Variants in MAST2 observed in about 807,000 individuals in gnomAD.
MAST2 encodes the protein microtubule-associated serine/threonine-protein kinase 2.
MAST2 carries 70 observed loss-of-function variants against 147.4 expected under a neutral mutation model. That is an observed-to-expected ratio of 0.47 (90% CI 0.39 to 0.58). MAST2 has a LOEUF of 0.58. Among genes scored for constraint, MAST2 ranks in the 20% least tolerant of loss-of-function variants. The probability of loss-of-function intolerance (pLI) is 0.00; values close to 1 mark genes in which losing one functional copy is unlikely to be tolerated. For missense variants in MAST2, 2,080 were observed against 2,302.3 expected, an observed-to-expected ratio of 0.90 and a Z score of 1.98; for synonymous variants, 869 against 896.8, an observed-to-expected ratio of 0.97 and a Z score of 0.55.
At chr1:45,970,138 G>A (rs766797011) in intron 5 of MAST2, among the ~76,000 whole-genome samples, 12 of 152,200 alleles carry the variant, frequency 7.9e-5, no homozygotes, top group Admixed American at 1.3e-4. Flanking sequence ...TATCAAAACA[G>A]TTCCTTTTCC....
chr1:45,916,171 A>T (rs1238899506), intron 4 of MAST2, among the ~76,000 whole-genome samples: 1 of 152,196 alleles, frequency 6.6e-6, no homozygotes, highest in Admixed American at 6.5e-5. Context: ...CTTTGAATAT[A>T]TGTAAGCAAG....
chr1:45,933,431 A>C (rs1655674536), intron 4 of MAST2, among the ~76,000 whole-genome samples: 3 of 151,882 alleles, frequency 2.0e-5, no homozygotes, highest in Non-Finnish European at 2.9e-5. Flanking sequence ...TATATTTGTA[A>C]CTTCCTTCTT....
At position 46,023,864 on chromosome 1, in the gene MAST2, A is replaced by G. The variant is rs374080405; in HGVS notation, c.1664A>G (p.Gln555Arg). 4.8e-5 allele frequency: 78 copies of G among 1,614,084 alleles called. No homozygotes were observed. The South Asian group carries it at 6.3e-4, about 13-fold the overall frequency. The change falls in exon 15 of 29, where the codon CAG (glutamine) becomes CGG (arginine). Residue 555 changes from glutamine to arginine, a missense_variant. Coordinates refer to ENST00000361297, the MANE Select transcript of MAST2 (RefSeq NM_015112.3). This position sits in a 1 kb window ranked among gnomAD's most constrained non-coding sequence, Gnocchi z 4.9. ...AACCTGATCCTACGGAACCAGATCC[A>G]GCAGGCCTTCGTGGAGCGTGACATA... Reference protein sequence around the residue: ...KQNLILRNQIQQAFVERDILT... With the variant: ...KQNLILRNQIRQAFVERDILT...
At chr1:45,827,215 A>G (rs1180143268) in intron 2 of MAST2, among the ~76,000 whole-genome samples, 1 of 152,190 alleles carries the variant, frequency 6.6e-6, no homozygotes, top group Non-Finnish European at 1.5e-5. Context: ...TTTAACTGAG[A>G]ATGTTTTATG....
At chr1:46,027,700 ACTT>A (rs1169316873) in intron 16 of MAST2, 28 bp from the exon 17 acceptor site, 3 of 1,597,594 alleles carry the variant, frequency 1.9e-6, no homozygotes, top group East Asian at 2.3e-5. Flanking sequence ...ACCAGGAATA[ACTT>A]CTTAATTTTA....
chr1:45,922,658 G>T (rs1184457878), intron 4 of MAST2, among the ~76,000 whole-genome samples: 3 of 152,310 alleles, frequency 2.0e-5, no homozygotes, highest in East Asian at 1.9e-4. Context: ...GCGAGGGGCA[G>T]GGGCCTTCCT....
chr1:45,819,836 A>G (rs1644566752), intron 1 of MAST2, among the ~76,000 whole-genome samples: 2 of 152,254 alleles, frequency 1.3e-5, no homozygotes, highest in South Asian at 4.1e-4. Context: ...AAAAATAGAA[A>G]AAACAATTCT....
chr1:45,880,734 A>G (rs1485009862), intron 3 of MAST2, among the ~76,000 whole-genome samples: 3 of 152,154 alleles, frequency 2.0e-5, no homozygotes, highest in African/African-American at 7.2e-5. Flanking sequence ...TAATCTCAGC[A>G]CTGTGGGAGA....
At chr1:45,815,741 A>G (rs1644431396) in intron 1 of MAST2, among the ~76,000 whole-genome samples, 1 of 152,128 alleles carries the variant, frequency 6.6e-6, no homozygotes, top group African/African-American at 2.4e-5. Context: ...AGGTGCTTCC[A>G]TTTTCTACAC....
At chr1:45,809,580 C>T (rs983006875) in intron 1 of MAST2, among the ~76,000 whole-genome samples, 1 of 152,052 alleles carries the variant, frequency 6.6e-6, no homozygotes, top group African/African-American at 2.4e-5. Flanking sequence ...TGCAGTGAGC[C>T]AAGGTTGTAC....
intron 1 of MAST2, among the ~76,000 whole-genome samples, chr1:45,823,472 G>A (rs1282707211): frequency 6.6e-6 from 1 of 151,768 alleles, no homozygotes; most frequent in East Asian, 1.9e-4. Flanking sequence ...GTAAGCCGGG[G>A]TTACAGGTGC....
Position 46,025,787 on chromosome 1 carries a change from A to C in MAST2, c.1891A>C (p.Ile631Leu). 1 of 1,614,212 alleles carries C rather than the reference A, an allele frequency of 6.2e-7. No individual in the cohort carries two copies. Among genetic ancestry groups the C allele is most frequent in the Non-Finnish European group, 8.5e-7 (1 of 1,180,038 alleles). ...LALEYLHNYG[I>L]VHRDLKPDNL... ...CCTGGAGTACTTACACAACTATGGC[A>C]TCGTGCACCGTGACCTCAAGCCTGA... Residue 631 changes from isoleucine to leucine, a missense_variant, in exon 16 of 29, where the codon ATC becomes CTC. Coordinates refer to ENST00000361297, the MANE Select transcript of MAST2 (RefSeq NM_015112.3).
At chr1:45,879,737 A>T (rs1442711807) in intron 3 of MAST2, among the ~76,000 whole-genome samples, 1 of 152,132 alleles carries the variant, frequency 6.6e-6, no homozygotes, top group Non-Finnish European at 1.5e-5. Flanking sequence ...AAAGGTAAAA[A>T]AATTTTAAGA....
In MAST2 at chr1:45,831,010, A is replaced by T. The variant is rs948650813; in HGVS notation, c.468+1429A>T. Among the ~76,000 whole-genome samples the T allele has an allele frequency of 2.4e-4, 36 of 148,044 alleles. 1 individual carries two copies. Among genetic ancestry groups the T allele is most frequent in the Middle Eastern group, 3.5e-3 (1 of 286 alleles). On this transcript the variant is annotated intron_variant, in intron 3 of 28. Transcript: ENST00000361297. ...GTGATTGTGCCACCACACTCTGGCG[A>T]CAGAGTGAGACCTTGTCTGGAAAAA...
rs1645571317 is a variant in MAST2 at position 46,008,298 on chromosome 1, C to T, written c.905C>T (p.Pro302Leu). The change falls in exon 9 of 29, where the codon CCC (proline) becomes CTC (leucine). Residue 302 changes from proline to leucine, a missense_variant and splice_region_variant. Around this residue, in one of 4 missense-constraint regions of MAST2, gnomAD observed 569 missense variants for 642.5 expected, o/e 0.89. Transcript: ENST00000361297. ...ACAATCATTTCTTTCTTTTTTAGTC[C>T]CGGACGATCCCCAGTATCCTTTGAC... The part of the protein sequence containing the change: ...AMRPRSRSLS[P>L]GRSPVSFDSE... The T allele has an allele frequency of 6.2e-7, 1 of 1,608,688 alleles. No individual in the cohort carries two copies. The highest frequency in any genetic ancestry group is 1.1e-5 in the South Asian group (1 of 90,928).
chr1:45,917,887 CCAAAA>C (rs1313121519), intron 4 of MAST2, among the ~76,000 whole-genome samples: 1 of 152,118 alleles, frequency 6.6e-6, no homozygotes, highest in East Asian at 1.9e-4. Flanking sequence ...AAATTTGAGT[CCAAAA>C]CAAGTTAAAT....
intron 20 of MAST2, 37 bp downstream of exon 20, chr1:46,029,990 T>C (rs765188343): frequency 3.1e-6 from 5 of 1,612,500 alleles, no homozygotes; most frequent in Non-Finnish European, 4.2e-6. Flanking sequence ...GGATGGGTCC[T>C]ACCTGTTTGC....
At chr1:45,805,052 ATT>A (rs10681055) in intron 1 of MAST2, among the ~76,000 whole-genome samples, 1 of 143,550 alleles carries the variant, frequency 7.0e-6, no homozygotes. Flanking sequence ...TTCCTTAGAC[ATT>A]TTTTTTTTTT....
At chr1:45,947,478 A>G (rs1319227254) in intron 4 of MAST2, among the ~76,000 whole-genome samples, 1 of 152,188 alleles carries the variant, frequency 6.6e-6, no homozygotes, top group East Asian at 1.9e-4. Flanking sequence ...TAATTGTTAG[A>G]TATTATCATT....
Sources: gnomAD v4.1 joint callset for allele counts (sites outside exome capture counted in the v4.1 genomes callset) on GRCh38, gnomAD v4.1.1 for gene constraint, gnomAD v4.1.1 regional missense constraint, Gnocchi (gnomAD v3.1) non-coding constraint, MANE v1.5 for transcripts, NCBI Gene and HGNC (gene_info 2026-07-23, HGNC 2026-07-21) for gene names.